EXOC6: variants seen among roughly 807,000 people sequenced by gnomAD.
EXOC6 encodes exocyst complex component 6.
In EXOC6, 60 loss-of-function variants were observed where a neutral mutation model predicts 112.5. The observed-to-expected ratio is 0.53, with a 90% CI of 0.43 to 0.66. EXOC6 has a LOEUF of 0.66. EXOC6 is among the 30% of genes least tolerant of loss of function. The probability of loss-of-function intolerance (pLI) is 0.00; values close to 1 mark genes in which losing one functional copy is unlikely to be tolerated. For synonymous variants in EXOC6, 295 were observed against 308.0 expected (o/e 0.96, Z 0.44); for missense variants, 855 against 957.1 (o/e 0.89, Z 1.41).
chr10:93,046,403 G>A (rs1846002602), intron 20 of EXOC6, among the ~76,000 whole-genome samples: 1 of 152,186 alleles, frequency 6.6e-6, no homozygotes, highest in Non-Finnish European at 1.5e-5. Context: ...ATACAGATAT[G>A]TGGAGGGTAG....
chr10:93,035,008 A>G (rs916643209), intron 20 of EXOC6, among the ~76,000 whole-genome samples: 1 of 152,228 alleles, frequency 6.6e-6, no homozygotes, highest in African/African-American at 2.4e-5. Flanking sequence ...TTTTCCTCAG[A>G]CAATCCTAAA....
intron 17 of EXOC6, among the ~76,000 whole-genome samples, chr10:92,969,119 G>A (rs560198213): frequency 6.6e-6 from 1 of 152,206 alleles, no homozygotes; most frequent in Admixed American, 6.5e-5. Context: ...GACTTCTGAG[G>A]CTAGGACATA....
intron 4 of EXOC6, among the ~76,000 whole-genome samples, chr10:92,896,585 G>A (rs547644961): frequency 6.6e-6 from 1 of 150,640 alleles, no homozygotes; most frequent in Non-Finnish European, 1.5e-5. Flanking sequence ...AAAAATTGTA[G>A]TATTATTATT....
chr10:92,840,125 T>TAA (rs11432465), intron 1 of EXOC6, among the ~76,000 whole-genome samples: 75 of 145,394 alleles, frequency 5.2e-4, no homozygotes, highest in African/African-American at 9.0e-4. Flanking sequence ...AAGAAAACAT[T>TAA]AAAAAAAAAA....
chr10:93,054,398 A>G (rs1846452391), intron 20 of EXOC6, among the ~76,000 whole-genome samples: 1 of 152,260 alleles, frequency 6.6e-6, no homozygotes, highest in African/African-American at 2.4e-5. Context: ...AGATTTCTAC[A>G]GATACCTGTA....
intron 20 of EXOC6, among the ~76,000 whole-genome samples, chr10:93,024,749 C>T (rs1169164250): frequency 6.6e-6 from 1 of 152,114 alleles, no homozygotes; most frequent in Non-Finnish European, 1.5e-5. Flanking sequence ...AGGAATTCTG[C>T]AGTAACCCAG....
intron 9 of EXOC6, among the ~76,000 whole-genome samples, chr10:92,931,299 G>C (rs920211339): frequency 6.6e-6 from 1 of 151,076 alleles, no homozygotes; most frequent in African/African-American, 2.4e-5. Flanking sequence ...TTTTAGTGTA[G>C]TACTGAGTTT....
At chr10:92,968,892 G>T (rs563072212) in intron 17 of EXOC6, among the ~76,000 whole-genome samples, 12 of 152,058 alleles carry the variant, frequency 7.9e-5, no homozygotes, top group Admixed American at 4.6e-4. Flanking sequence ...AAACCGTTTT[G>T]TTTTTTTCTA....
At chr10:92,833,232 A>T (rs1195255075), upstream of EXOC6, among the ~76,000 whole-genome samples, 1 of 152,214 alleles carries the variant, frequency 6.6e-6, no homozygotes, top group Non-Finnish European at 1.5e-5. Flanking sequence ...GGCTTGGCTC[A>T]TCAGAGTGGA....
intron 7 of EXOC6, among the ~76,000 whole-genome samples, chr10:92,916,550 A>G (rs138324926): frequency 4.6e-5 from 7 of 152,122 alleles, no homozygotes; most frequent in Non-Finnish European, 7.4e-5. Flanking sequence ...TACAAGGTCA[A>G]TCCAAAACTG....
At position 93,058,491 on chromosome 10, in the gene EXOC6, G is replaced by A. The variant is rs1196956127; in HGVS notation, c.*136G>A. ...AGAAGATACATGAGGGCTTAAACAA[G>A]AAATAGTAATAAATATCATTTGTAT... is the stretch of plus-strand genomic sequence containing the variant. On this transcript the variant is annotated 3_prime_UTR_variant, in exon 22 of 22. Coordinates refer to ENST00000260762, the MANE Select transcript of EXOC6 (RefSeq NM_019053.6). The A allele has an allele frequency of 2.2e-5, 12 of 533,522 alleles. No homozygotes were observed. The African/African-American group carries it at 2.4e-4, about 11-fold the overall frequency. 33.0% of individuals were successfully genotyped at this position (533,522 alleles called of 1,614,324 possible). A position where few individuals can be genotyped will look rare whatever the true frequency, so the allele number is the denominator to read the frequency against.
intron 9 of EXOC6, among the ~76,000 whole-genome samples, chr10:92,932,267 G>A (rs1265435191): frequency 6.6e-6 from 1 of 152,100 alleles, no homozygotes; most frequent in Non-Finnish European, 1.5e-5. Context: ...GACAGAATGG[G>A]ATCAGTGGTG....
upstream of EXOC6, among the ~76,000 whole-genome samples, chr10:92,844,293 A>G (rs2133598636): frequency 6.6e-6 from 1 of 152,348 alleles, no homozygotes. Context: ...TGAACAATAC[A>G]GGCATCGTCC....
chr10:92,859,881 C>A (rs916814833), intron 1 of EXOC6, among the ~76,000 whole-genome samples: 1 of 151,208 alleles, frequency 6.6e-6, no homozygotes. Context: ...TATAACCTCC[C>A]AGGCATCAAT....
intron 20 of EXOC6, among the ~76,000 whole-genome samples, chr10:93,044,285 G>A (rs1845910868): frequency 6.6e-6 from 1 of 152,118 alleles, no homozygotes; most frequent in Admixed American, 6.5e-5. Context: ...TGGATAATTA[G>A]GGGTTAATAT....
intron 17 of EXOC6, among the ~76,000 whole-genome samples, chr10:92,956,447 A>G (rs1010890950): frequency 9.2e-5 from 14 of 152,148 alleles, no homozygotes; most frequent in Non-Finnish European, 1.2e-4. Flanking sequence ...TACTTTTGTT[A>G]TATTATCAAT....
chr10:92,964,175 A>G (rs1225019146), intron 17 of EXOC6, among the ~76,000 whole-genome samples: 4 of 151,852 alleles, frequency 2.6e-5, no homozygotes, highest in South Asian at 4.1e-4. Flanking sequence ...AAGAATATAA[A>G]GAATAAAACA....
chr10:93,019,845 T>A (rs1844700645), intron 20 of EXOC6, among the ~76,000 whole-genome samples: 1 of 152,192 alleles, frequency 6.6e-6, no homozygotes, highest in Non-Finnish European at 1.5e-5. Flanking sequence ...CACAGTCTGA[T>A]GGCAAATGCT....
At chr10:92,858,778 T>G in intron 1 of EXOC6, among the ~76,000 whole-genome samples, 1 of 152,180 alleles carries the variant, frequency 6.6e-6, no homozygotes, top group Non-Finnish European at 1.5e-5. Flanking sequence ...TTCTTTCGTT[T>G]TTTTTGAGAC....
Sources: gnomAD v4.1 joint callset for allele counts (sites outside exome capture counted in the v4.1 genomes callset) on GRCh38, gnomAD v4.1.1 for gene constraint, MANE v1.5 for transcripts, NCBI Gene and HGNC (gene_info 2026-07-23, HGNC 2026-07-21) for gene names.